Variants in FAT3 observed in about 807,000 individuals in gnomAD.
The protein encoded by FAT3 is protocadherin Fat 3.
In FAT3, 95 loss-of-function variants were observed where a neutral mutation model predicts 310.2. That is an observed-to-expected ratio of 0.31 (90% CI 0.26 to 0.36). The LOEUF (loss-of-function observed/expected upper bound fraction) is 0.36, where lower values mean the gene tolerates loss of function less well. Among genes scored for constraint, FAT3 ranks in the 10% least tolerant of loss-of-function variants. The probability of loss-of-function intolerance (pLI) is 1.00; values close to 1 mark genes in which losing one functional copy is unlikely to be tolerated. For missense variants in FAT3, 5,408 were observed against 5,715.6 expected, an observed-to-expected ratio of 0.95 and a Z score of 1.74; for synonymous variants, 2,314 against 2,192.9, an observed-to-expected ratio of 1.06 and a Z score of -1.54.
intron 2 of FAT3, among the ~76,000 whole-genome samples, chr11:92,375,953 T>C (rs1162353580): frequency 1.3e-5 from 2 of 152,252 alleles, no homozygotes; most frequent in Admixed American, 6.5e-5. Flanking sequence ...CATTAACATA[T>C]GCAAACACTT....
chr11:92,371,089 C>T (rs1468469773), intron 2 of FAT3, among the ~76,000 whole-genome samples: 1 of 152,144 alleles, frequency 6.6e-6, no homozygotes, highest in Non-Finnish European at 1.5e-5. Context: ...GGAGATATTG[C>T]AAAAGATGGT....
chr11:92,836,448 C>T, intron 15 of FAT3, 118 bp from the exon 16 acceptor site: 1 of 1,178,816 alleles, frequency 8.5e-7, no homozygotes, highest in Non-Finnish European at 1.2e-6. Flanking sequence ...CATTAGAGAG[C>T]AGAGCTCCCG....
chr11:92,578,015 A>G (rs1230036442), intron 3 of FAT3, among the ~76,000 whole-genome samples: 1 of 152,150 alleles, frequency 6.6e-6, no homozygotes, highest in Non-Finnish European at 1.5e-5. Flanking sequence ...ACTGATATAT[A>G]TTAGAAATAA....
rs548838368 is a variant in FAT3, at chr11:92,882,594, C to A, written c.12282-144C>A. ...CTAAATTAACTCCCCCTCCCCCCCC[C>A]CACCAACCATCTTTGTCCTGCTTCA... On this transcript the variant is annotated intron_variant, in intron 23 of 27. Coordinates refer to ENST00000525166, the MANE Select transcript of FAT3 (RefSeq NM_001367949.2). The A allele has an allele frequency of 7.4e-5, 43 of 582,766 alleles. 1 individual carries two copies. The highest frequency in any genetic ancestry group is 4.5e-4 in the African/African-American group (21 of 46,808). 36.1% of individuals were successfully genotyped at this position (582,766 alleles called of 1,614,324 possible).
intron 2 of FAT3, among the ~76,000 whole-genome samples, chr11:92,497,311 A>C (rs980123539): frequency 6.6e-6 from 1 of 152,068 alleles, no homozygotes; most frequent in East Asian, 1.9e-4. Flanking sequence ...GGTTACTTCT[A>C]CAGAGAAGAT....
chr11:92,468,954 C>T (rs1304987663), intron 2 of FAT3, among the ~76,000 whole-genome samples: 1 of 152,110 alleles, frequency 6.6e-6, no homozygotes, highest in Non-Finnish European at 1.5e-5. Flanking sequence ...CTAATGATTT[C>T]TTTTTCTTGG....
chr11:92,730,872 C>T (rs916529550), intron 4 of FAT3, among the ~76,000 whole-genome samples: 3 of 151,832 alleles, frequency 2.0e-5, no homozygotes, highest in Non-Finnish European at 4.4e-5. Flanking sequence ...TTTTTTCATC[C>T]CCCTGCCTTT....
At chr11:92,466,565 T>A (rs78164843) in intron 2 of FAT3, among the ~76,000 whole-genome samples, 5,049 of 151,558 alleles carry the variant, frequency 0.033, 276 homozygotes, top group African/African-American at 0.11. Context: ...CTTTTTTTTT[T>A]AAATTTTTTA....
chr11:92,660,803 T>C (rs1028001180), intron 3 of FAT3, among the ~76,000 whole-genome samples: 2 of 152,200 alleles, frequency 1.3e-5, no homozygotes, highest in Admixed American at 6.5e-5. Context: ...CTTCATGGGC[T>C]GAAGGGCTTT....
chr11:92,302,511 GT>G (rs1180497187), intron 1 of FAT3, among the ~76,000 whole-genome samples: 1 of 150,928 alleles, frequency 6.6e-6, no homozygotes, highest in Non-Finnish European at 1.5e-5. Context: ...TGTATATTAA[GT>G]TTAATTTAGG....
intron 12 of FAT3, among the ~76,000 whole-genome samples, chr11:92,808,453 AG>A (rs1202728500): frequency 6.6e-6 from 1 of 152,242 alleles, no homozygotes; most frequent in Non-Finnish European, 1.5e-5. Context: ...TAGCGCATCC[AG>A]GTAATGTCAT....
chr11:92,297,750 C>T (rs1017856810), intron 1 of FAT3, among the ~76,000 whole-genome samples: 10 of 152,100 alleles, frequency 6.6e-5, no homozygotes, highest in Non-Finnish European at 7.4e-5. Flanking sequence ...TTCCAGATGT[C>T]AAAGGAGTGG....
intron 3 of FAT3, among the ~76,000 whole-genome samples, chr11:92,534,588 G>A (rs563219041): frequency 3.4e-4 from 52 of 152,276 alleles, no homozygotes; most frequent in Admixed American, 2.9e-3. Flanking sequence ...TGGTAAGGAA[G>A]ATCTTTGTAG....
chr11:92,759,530 G>C (rs1231272471), intron 4 of FAT3, among the ~76,000 whole-genome samples: 1 of 152,164 alleles, frequency 6.6e-6, no homozygotes, highest in Non-Finnish European at 1.5e-5. Context: ...TAAAGGGTGA[G>C]TAGGCAAGCT....
intron 1 of FAT3, among the ~76,000 whole-genome samples, chr11:92,271,854 G>A (rs576713991): frequency 2.0e-5 from 3 of 152,152 alleles, no homozygotes; most frequent in Non-Finnish European, 2.9e-5. Context: ...CTTCTTCTAC[G>A]TGCTGGAAGT....
chr11:92,775,524 T>A (rs1946576544), intron 7 of FAT3, among the ~76,000 whole-genome samples: 1 of 152,140 alleles, frequency 6.6e-6, no homozygotes, highest in Non-Finnish European at 1.5e-5. Flanking sequence ...CAATTTCTGA[T>A]CCTCCAACCT....
At chr11:92,285,530 TACA>T in intron 1 of FAT3, among the ~76,000 whole-genome samples, 1 of 152,172 alleles carries the variant, frequency 6.6e-6, no homozygotes, top group Non-Finnish European at 1.5e-5. Context: ...ATCCCATTCT[TACA>T]ACACTATTGT....
At chr11:92,255,605 C>T (rs1427895719) in intron 1 of FAT3, among the ~76,000 whole-genome samples, 5 of 152,054 alleles carry the variant, frequency 3.3e-5, no homozygotes, top group African/African-American at 4.8e-5. Flanking sequence ...TACTTAAGAA[C>T]ATATTGCTCT....
intron 3 of FAT3, among the ~76,000 whole-genome samples, chr11:92,542,125 G>A (rs1255153406): frequency 1.3e-5 from 2 of 152,006 alleles, no homozygotes; most frequent in South Asian, 2.1e-4. Flanking sequence ...TTGGAAAACT[G>A]AATATCCACA....
Sources: allele counts gnomAD v4.1 joint callset (sites outside exome capture counted in the v4.1 genomes callset), GRCh38; gene constraint gnomAD v4.1.1; transcripts MANE v1.5; gene names NCBI Gene and HGNC (gene_info 2026-07-23, HGNC 2026-07-21).